CGNL1: variants seen among roughly 807,000 people sequenced by gnomAD.
CGNL1 encodes the protein cingulin like 1.
A neutral mutation model predicts 141.2 loss-of-function variants in CGNL1; 132 were observed. The ratio of observed to expected loss-of-function variants is 0.93; its 90% CI spans 0.81 to 1.08. CGNL1 has a LOEUF of 1.08. Ranked by LOEUF, CGNL1 falls within the 50% of genes least tolerant of loss-of-function variation. The probability of loss-of-function intolerance (pLI) is 0.00; values close to 1 mark genes in which losing one functional copy is unlikely to be tolerated. For synonymous variants in CGNL1, 690 were observed against 622.1 expected (o/e 1.11, Z -1.63); for missense variants, 1,870 against 1,588.6 (o/e 1.18, Z -3.01).
At chr15:57,452,872 A>T (rs1448129228) in intron 6 of CGNL1, among the ~76,000 whole-genome samples, 1 of 152,238 alleles carries the variant, frequency 6.6e-6, no homozygotes, top group Non-Finnish European at 1.5e-5. Flanking sequence ...GTGGAAAGTC[A>T]AGTGGGAATG....
At chr15:57,447,805 C>CGTGTGTGT (rs3985737) in intron 4 of CGNL1, among the ~76,000 whole-genome samples, 142 of 144,466 alleles carry the variant, frequency 9.8e-4, no homozygotes, top group African/African-American at 2.9e-3. Flanking sequence ...TCTCTCTTTT[C>CGTGTGTGT]GTGTGTGTGT....
At chr15:57,406,217 G>A (rs1215870457) in intron 1 of CGNL1, among the ~76,000 whole-genome samples, 6 of 152,208 alleles carry the variant, frequency 3.9e-5, no homozygotes, top group Non-Finnish European at 5.9e-5. Flanking sequence ...AGGAGGGTGA[G>A]ACCTGAAGGA....
At chr15:57,484,233 C>G (rs1395383394) in intron 8 of CGNL1, among the ~76,000 whole-genome samples, 2 of 152,138 alleles carry the variant, frequency 1.3e-5, no homozygotes, top group Non-Finnish European at 1.5e-5. Context: ...CCAGTTAGAC[C>G]TGGACATTTC....
chr15:57,521,053 C>T (rs1270077740), intron 10 of CGNL1, among the ~76,000 whole-genome samples: 1 of 152,168 alleles, frequency 6.6e-6, no homozygotes, highest in African/African-American at 2.4e-5. Flanking sequence ...AAATTTTCAT[C>T]TCATTATTCA....
chr15:57,504,544 C>G (rs575795129), intron 8 of CGNL1, among the ~76,000 whole-genome samples: 93 of 152,316 alleles, frequency 6.1e-4, no homozygotes, highest in Non-Finnish European at 1.1e-3. Flanking sequence ...TAATAAACAG[C>G]CTCCAAAGCT....
chr15:57,515,687 T>G (rs2030716906), intron 8 of CGNL1, among the ~76,000 whole-genome samples: 1 of 152,202 alleles, frequency 6.6e-6, no homozygotes, highest in South Asian at 2.1e-4. Flanking sequence ...CCCTGTGACC[T>G]CTGGAATCAA....
chr15:57,470,570 C>T (rs1421901287), intron 8 of CGNL1, among the ~76,000 whole-genome samples: 1 of 152,108 alleles, frequency 6.6e-6, no homozygotes, highest in Non-Finnish European at 1.5e-5. Flanking sequence ...CCTGAGCTGC[C>T]TAGAGTCACT....
At position 57,550,423 on chromosome 15, in the gene CGNL1, G is replaced by A. The variant is rs2033062140; in HGVS notation, c.*2933G>A. On this transcript the variant is annotated 3_prime_UTR_variant, in exon 19 of 19. Coordinates refer to ENST00000281282, the MANE Select transcript of CGNL1 (RefSeq NM_032866.5). ...TGCTTTAAGAACTAACCCCGATCAA[G>A]AGTATTTTCTTTAGCTAGCTTAAAA... is the stretch of plus-strand genomic sequence containing the variant. The A allele has an allele frequency of 6.6e-6, 1 of 152,570 alleles. No individual in the cohort carries two copies. 9.5% of individuals were successfully genotyped at this position (152,570 alleles called of 1,614,324 possible).
At chr15:57,542,701 A>G (rs1315112232) in intron 14 of CGNL1, among the ~76,000 whole-genome samples, 1 of 152,218 alleles carries the variant, frequency 6.6e-6, no homozygotes, top group Admixed American at 6.5e-5. Context: ...TTGAGCTTAT[A>G]ATGCAGCAGT....
At chr15:57,433,143 CTT>C (rs2063065059) in intron 1 of CGNL1, among the ~76,000 whole-genome samples, 1 of 152,124 alleles carries the variant, frequency 6.6e-6, no homozygotes, top group Non-Finnish European at 1.5e-5. Context: ...TTATTAGAAA[CTT>C]TAACAAATAT....
intron 9 of CGNL1, 110 bp downstream of exon 9, chr15:57,517,096 G>T: frequency 9.4e-7 from 1 of 1,067,968 alleles, no homozygotes; most frequent in Non-Finnish European, 1.4e-6. Context: ...TAGTAGGAAA[G>T]GTCAAGGCAA....
chr15:57,442,547 T>G (rs1228584103), intron 4 of CGNL1, 69 bp downstream of exon 4: 7 of 951,116 alleles, frequency 7.4e-6, no homozygotes, highest in Non-Finnish European at 1.2e-5. Context: ...TGCTGTTTCT[T>G]CAGTCTGTAT....
intron 7 of CGNL1, among the ~76,000 whole-genome samples, chr15:57,457,468 C>A (rs556742406): frequency 1.3e-5 from 2 of 152,274 alleles, no homozygotes; most frequent in South Asian, 4.2e-4. Context: ...CCTTAAAGGG[C>A]CTTCCAGCCA....
chr15:57,486,170 C>A (rs2063782870), intron 8 of CGNL1, among the ~76,000 whole-genome samples: 1 of 152,124 alleles, frequency 6.6e-6, no homozygotes. Context: ...CATGCTGAGG[C>A]CTGAAACTTC....
chr15:57,400,168 A>AT (rs1178729339), intron 1 of CGNL1, among the ~76,000 whole-genome samples: 7 of 151,684 alleles, frequency 4.6e-5, no homozygotes, highest in African/African-American at 1.7e-4. Flanking sequence ...CAAGTTTTAA[A>AT]TTTTTTTGTT....
intron 12 of CGNL1, among the ~76,000 whole-genome samples, chr15:57,526,509 C>T (rs753963261): frequency 2.6e-5 from 4 of 151,934 alleles, no homozygotes; most frequent in African/African-American, 4.8e-5. Flanking sequence ...TACAGGAGTC[C>T]GTTCTAAGTG....
chr15:57,384,928 G>A (rs113075813), intron 1 of CGNL1, among the ~76,000 whole-genome samples: 69 of 152,282 alleles, frequency 4.5e-4, no homozygotes, highest in African/African-American at 1.6e-3. Context: ...GGAGTGTTTT[G>A]CAAAAATAAC....
At chr15:57,415,646 A>G (rs1405947386) in intron 1 of CGNL1, among the ~76,000 whole-genome samples, 7 of 152,124 alleles carry the variant, frequency 4.6e-5, no homozygotes, top group Non-Finnish European at 1.0e-4. Flanking sequence ...CTCCCCACCT[A>G]TCTCTGAGCC....
Position 57,550,240 on chromosome 15 carries a change from C to T in CGNL1, c.*2750C>T, listed in dbSNP as rs1211009414. The T allele has an allele frequency of 2.0e-5, 3 of 152,422 alleles. No individual in the cohort carries two copies. Among genetic ancestry groups the T allele is most frequent in the African/African-American group, 4.8e-5 (2 of 41,422 alleles). The allele number at this position is 152,422 out of a possible 1,614,324, so 9.4% of individuals were successfully genotyped here. On this transcript the variant is annotated 3_prime_UTR_variant, in exon 19 of 19. Coordinates refer to ENST00000281282, the MANE Select transcript of CGNL1 (RefSeq NM_032866.5). ...AAAGTTAAGAGAAGGGTTTTCAAGT[C>T]CCGGCTCATCTCACCCCAGTGACTT...
Sources: gnomAD v4.1 joint callset for allele counts (sites outside exome capture counted in the v4.1 genomes callset) on GRCh38, gnomAD v4.1.1 for gene constraint, MANE v1.5 for transcripts, NCBI Gene and HGNC (gene_info 2026-07-23, HGNC 2026-07-21) for gene names.